Variants in EYS observed in about 807,000 individuals in gnomAD.
EYS encodes protein eyes shut homolog.
A neutral mutation model predicts 282.1 loss-of-function variants in EYS; 250 were observed. The observed-to-expected ratio is 0.89, with a 90% CI of 0.80 to 0.98. EYS has a LOEUF of 0.98. EYS is among the 50% of genes least tolerant of loss of function. EYS has a pLI of 0.00. For synonymous variants in EYS, 1,355 were observed against 1,282.9 expected, an observed-to-expected ratio of 1.06 and a Z score of -1.20; for missense variants, 4,016 against 3,709.0, an observed-to-expected ratio of 1.08 and a Z score of -2.15.
intron 41 of EYS, among the ~76,000 whole-genome samples, chr6:63,743,199 T>C (rs1421377183): frequency 2.0e-5 from 3 of 152,232 alleles, no homozygotes; most frequent in Non-Finnish European, 4.4e-5. Context: ...TCATTATTCA[T>C]AAACTGTTTT....
At chr6:64,384,932 G>T (rs796091541) in intron 29 of EYS, among the ~76,000 whole-genome samples, 4 of 152,292 alleles carry the variant, frequency 2.6e-5, no homozygotes, top group Non-Finnish European at 4.4e-5. Context: ...GCTCTGGCCA[G>T]TTCAGAAAGA....
chr6:64,370,735 C>A (rs902619860), intron 29 of EYS, among the ~76,000 whole-genome samples: 1 of 151,956 alleles, frequency 6.6e-6, no homozygotes, highest in African/African-American at 2.4e-5. Flanking sequence ...AATCTCTTCT[C>A]GGTTCAATCT....
chr6:64,505,565 G>C (rs9345178), intron 26 of EYS, among the ~76,000 whole-genome samples: 1 of 151,898 alleles, frequency 6.6e-6, no homozygotes, highest in Non-Finnish European at 1.5e-5. Flanking sequence ...TTTGGAAGAC[G>C]GCAATGGCAA....
chr6:64,006,853 A>G (rs1768372581), intron 33 of EYS, among the ~76,000 whole-genome samples: 1 of 152,132 alleles, frequency 6.6e-6, no homozygotes, highest in African/African-American at 2.4e-5. Context: ...CTACTTGGTC[A>G]TGGTGGATAA....
intron 29 of EYS, among the ~76,000 whole-genome samples, chr6:64,323,731 G>C (rs1405146666): frequency 6.6e-6 from 1 of 152,040 alleles, no homozygotes; most frequent in Non-Finnish European, 1.5e-5. Flanking sequence ...CCATCTACAA[G>C]ATCTTACCCA....
chr6:64,198,834 G>A (rs748107479), intron 31 of EYS, among the ~76,000 whole-genome samples: 24 of 152,118 alleles, frequency 1.6e-4, no homozygotes, highest in Non-Finnish European at 3.1e-4. Flanking sequence ...TCCTTTGAGC[G>A]TATACCCAGA....
chr6:65,621,861 C>T (rs1267080736), intron 2 of EYS, among the ~76,000 whole-genome samples: 1 of 152,056 alleles, frequency 6.6e-6, no homozygotes, highest in Non-Finnish European at 1.5e-5. Context: ...TCACCAAATA[C>T]AGATAATCAT....
chr6:65,598,492 A>C (rs1204201239), intron 2 of EYS, among the ~76,000 whole-genome samples: 1 of 152,084 alleles, frequency 6.6e-6, no homozygotes, highest in Non-Finnish European at 1.5e-5. Flanking sequence ...AAGTAATCAC[A>C]CAATATCTGC....
At chr6:65,580,680 C>T (rs1339046794) in intron 2 of EYS, among the ~76,000 whole-genome samples, 1 of 151,990 alleles carries the variant, frequency 6.6e-6, no homozygotes, top group Non-Finnish European at 1.5e-5. Flanking sequence ...TGAAATGAGA[C>T]AGAGTCCATT....
At chr6:63,947,646 T>C (rs1010798968) in intron 35 of EYS, among the ~76,000 whole-genome samples, 15 of 152,310 alleles carry the variant, frequency 9.8e-5, no homozygotes, top group African/African-American at 3.1e-4. Flanking sequence ...TTTCTCATTA[T>C]TATAATCAAC....
chr6:65,547,759 G>T (rs971382286), intron 2 of EYS, among the ~76,000 whole-genome samples: 1 of 152,096 alleles, frequency 6.6e-6, no homozygotes, highest in Non-Finnish European at 1.5e-5. Flanking sequence ...CAGGTTAAGG[G>T]AATCAAATGT....
At chr6:64,752,766 T>C (rs993544306) in intron 22 of EYS, among the ~76,000 whole-genome samples, 11 of 152,142 alleles carry the variant, frequency 7.2e-5, no homozygotes, top group Admixed American at 1.3e-4. Flanking sequence ...GTAAAGTGTT[T>C]AATCACCTCT....
Position 65,212,947 on chromosome 6 carries a change from C to A in EYS, c.2023+82916G>T, listed in dbSNP as rs1436533068. On this transcript the variant is annotated intron_variant, in intron 12 of 42. Transcript: ENST00000503581. ...TTCAATTTTGGACAAGTAAATGGGG[C>A]TTATATTTTATGTAATTTTAATATA... Among the ~76,000 whole-genome samples the A allele has an allele frequency of 2.0e-5, 3 of 151,664 alleles. No individual in the cohort carries two copies. The East Asian group carries it at 5.8e-4, about 29-fold the overall frequency.
chr6:64,093,402 T>C (rs1196163844), intron 31 of EYS, among the ~76,000 whole-genome samples: 1 of 152,192 alleles, frequency 6.6e-6, no homozygotes, highest in East Asian at 1.9e-4. Flanking sequence ...AATGTTCTTC[T>C]ATGTGTTTGT....
At chr6:63,858,277 C>A (rs1174569098) in intron 36 of EYS, among the ~76,000 whole-genome samples, 1 of 152,158 alleles carries the variant, frequency 6.6e-6, no homozygotes, top group African/African-American at 2.4e-5. Flanking sequence ...CTAGGCTGGT[C>A]TTGAACTCCT....
chr6:65,206,402 AT>A (rs1426527529), intron 12 of EYS, among the ~76,000 whole-genome samples: 1 of 150,820 alleles, frequency 6.6e-6, no homozygotes, highest in Non-Finnish European at 1.5e-5. Context: ...TAAAAAAAAA[AT>A]TATAAAAATA....
intron 12 of EYS, among the ~76,000 whole-genome samples, chr6:65,152,710 G>A (rs2150216242): frequency 6.6e-6 from 1 of 151,646 alleles, no homozygotes; most frequent in South Asian, 2.1e-4. Context: ...AGCATACTTA[G>A]GTCATTTTGA....
chr6:64,954,848 G>T (rs1769637443), intron 14 of EYS, among the ~76,000 whole-genome samples: 1 of 151,966 alleles, frequency 6.6e-6, no homozygotes, highest in Non-Finnish European at 1.5e-5. Context: ...ATTTCTATAT[G>T]CCAAAAGTGA....
chr6:64,256,469 G>C (rs1767404460), intron 30 of EYS, among the ~76,000 whole-genome samples: 1 of 152,054 alleles, frequency 6.6e-6, no homozygotes, highest in Non-Finnish European at 1.5e-5. Context: ...TGAAGAGGTA[G>C]TGCTTGATAT....
Sources: allele counts gnomAD v4.1 joint callset (sites outside exome capture counted in the v4.1 genomes callset), GRCh38; gene constraint gnomAD v4.1.1; transcripts MANE v1.5; gene names NCBI Gene and HGNC (gene_info 2026-07-23, HGNC 2026-07-21).